The following SMYD3 variants were observed in gnomAD, a reference collection of about 807,000 sequenced individuals.
SMYD3 encodes the protein SET and MYND domain containing 3, also known as histone-lysine N-methyltransferase SMYD3.
Under a neutral mutation model 57.7 loss-of-function variants are expected in SMYD3, and 36 were observed. That is an observed-to-expected ratio of 0.62 (90% CI 0.48 to 0.82). The LOEUF (loss-of-function observed/expected upper bound fraction) is 0.82. Ranked by LOEUF, SMYD3 falls within the 40% of genes least tolerant of loss-of-function variation. The probability of loss-of-function intolerance (pLI) is 0.00; values close to 1 mark genes in which losing one functional copy is unlikely to be tolerated. For synonymous variants in SMYD3, 211 were observed against 195.0 expected (o/e 1.08, Z -0.68); for missense variants, 515 against 538.8 (o/e 0.96, Z 0.44).
chr1:245,841,999 C>T (rs2050425375), intron 10 of SMYD3, among the ~76,000 whole-genome samples: 1 of 152,104 alleles, frequency 6.6e-6, no homozygotes, highest in African/African-American at 2.4e-5. Context: ...ACACAAATAC[C>T]TGCCACTGTG....
At chr1:246,114,855 C>T (rs1417541827) in intron 5 of SMYD3, among the ~76,000 whole-genome samples, 1 of 151,720 alleles carries the variant, frequency 6.6e-6, no homozygotes, top group African/African-American at 2.4e-5. Context: ...TGGTCTCGAT[C>T]TCTTGACCTC....
At chr1:246,124,305 G>C (rs1036002364) in intron 5 of SMYD3, among the ~76,000 whole-genome samples, 1 of 152,034 alleles carries the variant, frequency 6.6e-6, no homozygotes, top group Admixed American at 6.5e-5. Context: ...GTTGGCCAAA[G>C]TGACTATTTA....
At chr1:246,368,855 T>C (rs538978118) in intron 1 of SMYD3, among the ~76,000 whole-genome samples, 1 of 152,322 alleles carries the variant, frequency 6.6e-6, no homozygotes, top group African/African-American at 2.4e-5. Context: ...TCCAAGTTCT[T>C]CAGTTTTGGG....
intron 5 of SMYD3, among the ~76,000 whole-genome samples, chr1:246,238,899 T>TG (rs1424287431): frequency 6.6e-6 from 1 of 151,364 alleles, no homozygotes; most frequent in African/African-American, 2.4e-5. Context: ...TTTGGTTTTT[T>TG]TTTTTTTTTT....
chr1:246,442,367 G>A (rs2879857), intron 1 of SMYD3, among the ~76,000 whole-genome samples: 64,388 of 151,808 alleles, frequency 0.42, 14,281 homozygotes, highest in Admixed American at 0.53. Flanking sequence ...TGGCCAACCC[G>A]GTGAAACCCC....
At chr1:246,255,539 G>A (rs1337558634) in intron 5 of SMYD3, among the ~76,000 whole-genome samples, 1 of 151,898 alleles carries the variant, frequency 6.6e-6, no homozygotes, top group African/African-American at 2.4e-5. Flanking sequence ...ACTTGATCAT[G>A]GTAATAAAGT....
At chr1:246,126,049 T>C (rs1256425020) in intron 5 of SMYD3, among the ~76,000 whole-genome samples, 1 of 152,184 alleles carries the variant, frequency 6.6e-6, no homozygotes, top group African/African-American at 2.4e-5. Context: ...GCCAGCCATC[T>C]GGAAAGTGCT....
At chr1:246,438,956 T>C (rs2067422943) in intron 1 of SMYD3, among the ~76,000 whole-genome samples, 1 of 151,870 alleles carries the variant, frequency 6.6e-6, no homozygotes, top group African/African-American at 2.4e-5. Flanking sequence ...CGCCACTCAC[T>C]CCCTACTGTG....
intron 10 of SMYD3, among the ~76,000 whole-genome samples, chr1:245,816,121 G>C (rs1045255575): frequency 3.3e-5 from 5 of 152,208 alleles, no homozygotes; most frequent in Non-Finnish European, 7.3e-5. Flanking sequence ...GAAGCTTCTA[G>C]AGAAAAGCAT....
intron 5 of SMYD3, among the ~76,000 whole-genome samples, chr1:246,204,043 T>C (rs2062959376): frequency 3.9e-5 from 6 of 152,198 alleles, no homozygotes; most frequent in Admixed American, 3.9e-4. Flanking sequence ...CATTGCCAGC[T>C]AACTTCAGTC....
At chr1:246,293,596 GGA>G (rs1256700098) in intron 5 of SMYD3, among the ~76,000 whole-genome samples, 9 of 152,224 alleles carry the variant, frequency 5.9e-5, no homozygotes, top group African/African-American at 2.2e-4. Flanking sequence ...CCGGCACAGT[GGA>G]AAAACCCACG....
At chr1:246,347,344 A>G (rs2065739245) in intron 2 of SMYD3, among the ~76,000 whole-genome samples, 2 of 152,214 alleles carry the variant, frequency 1.3e-5, no homozygotes, top group Admixed American at 1.3e-4. Flanking sequence ...GAGAACACCA[A>G]GAAGGATAAA....
chr1:245,981,362 G>A (rs2058593062), intron 5 of SMYD3, among the ~76,000 whole-genome samples: 1 of 152,180 alleles, frequency 6.6e-6, no homozygotes, highest in Non-Finnish European at 1.5e-5. Context: ...CCCTCTGGGA[G>A]CCCTGGGCTG....
At chr1:246,008,658 G>C (rs573920059) in intron 5 of SMYD3, among the ~76,000 whole-genome samples, 32 of 152,314 alleles carry the variant, frequency 2.1e-4, no homozygotes, top group African/African-American at 7.2e-4. Context: ...CGCAGGGAGG[G>C]AGCTGTTTAA....
chr1:245,800,282 C>T (rs1256754236), intron 10 of SMYD3, among the ~76,000 whole-genome samples: 1 of 152,154 alleles, frequency 6.6e-6, no homozygotes, highest in African/African-American at 2.4e-5. Context: ...AAAAGCAGGT[C>T]CTTCCATCGG....
chr1:245,751,690 T>A lies in SMYD3; in HGVS notation c.1186-2026A>T, dbSNP rs1572239730. Among the ~76,000 whole-genome samples the A allele has an allele frequency of 2.6e-5, 4 of 152,336 alleles. No individual in the cohort carries two copies. The South Asian group carries it at 8.3e-4, about 32-fold the overall frequency. ...CTCAGCCTGGAAGACAGCTCTGCTC[T>A]GAGTCCAGTTGTGACCCCGCACTGG... On this transcript the variant is annotated intron_variant, in intron 11 of 11. Coordinates refer to ENST00000490107, the MANE Select transcript of SMYD3 (RefSeq NM_001167740.2).
intron 5 of SMYD3, among the ~76,000 whole-genome samples, chr1:246,039,816 C>G (rs1368254234): frequency 1.3e-5 from 2 of 152,172 alleles, no homozygotes; most frequent in Non-Finnish European, 2.9e-5. Flanking sequence ...AGGTTCAGTA[C>G]TCTCTGCCAA....
chr1:246,127,896 A>G (rs561137232), intron 5 of SMYD3, among the ~76,000 whole-genome samples: 15 of 147,894 alleles, frequency 1.0e-4, no homozygotes, highest in African/African-American at 1.5e-4. Flanking sequence ...ACTCTGTCTC[A>G]AAAAGAAAAG....
intron 5 of SMYD3, chr1:245,955,855 T>C: frequency 7.3e-6 from 6 of 823,878 alleles, no homozygotes; most frequent in Non-Finnish European, 8.7e-6. Flanking sequence ...ACTGCATTGA[T>C]GATTTTGCAA....
Sources: gnomAD v4.1 joint callset for allele counts (sites outside exome capture counted in the v4.1 genomes callset) on GRCh38, gnomAD v4.1.1 for gene constraint, MANE v1.5 for transcripts, NCBI Gene and HGNC (gene_info 2026-07-23, HGNC 2026-07-21) for gene names.